Variants in KCNK2 observed in about 807,000 individuals in gnomAD.
KCNK2 encodes the protein potassium two pore domain channel subfamily K member 2, also known as potassium channel subfamily K member 2.
KCNK2 carries 21 observed loss-of-function variants against 40.5 expected under a neutral mutation model. The observed-to-expected ratio is 0.52, with a 90% CI of 0.37 to 0.75. The LOEUF is 0.75. Among genes scored for constraint, KCNK2 ranks in the 30% least tolerant of loss-of-function variants. The pLI is 0.00. For synonymous variants in KCNK2, 191 were observed against 202.2 expected (o/e 0.94, Z 0.47); for missense variants, 399 against 531.6 (o/e 0.75, Z 2.45).
Position 215,083,201 on chromosome 1 carries a change from C to CCCCCCCCCCT in KCNK2, c.-183_-182insCCCCCCCTCC, listed in dbSNP as rs1659252674. On this transcript the variant is annotated 5_prime_UTR_variant, in exon 1 of 7. Coordinates refer to ENST00000444842, the MANE Select transcript of KCNK2 (RefSeq NM_001017425.3). ...TTTCGTTTCTTCTCACGCTCCCCCC[C>CCCCCCCCCCT]CCGCCCCCTCCCGCGTCCAGCCCCG... 3 of 753,776 alleles carry CCCCCCCCCCT rather than the reference C, an allele frequency of 4.0e-6. No homozygotes were observed. Among genetic ancestry groups the CCCCCCCCCCT allele is most frequent in the Non-Finnish European group, 4.2e-6 (2 of 479,624 alleles). 46.7% of individuals were successfully genotyped at this position (753,776 alleles called of 1,614,324 possible).
intron 1 of KCNK2, among the ~76,000 whole-genome samples, chr1:215,033,130 C>G (rs1657262850): frequency 6.6e-6 from 1 of 151,494 alleles, no homozygotes; most frequent in South Asian, 2.1e-4. Context: ...TCAGACATGT[C>G]CACTCTATTA....
At chr1:215,216,557 T>C (rs1267132592) in intron 6 of KCNK2, among the ~76,000 whole-genome samples, 1 of 150,306 alleles carries the variant, frequency 6.7e-6, no homozygotes, top group Non-Finnish European at 1.5e-5. Context: ...TAGAATGTTG[T>C]ATTTCTATTT....
chr1:215,050,814 C>T (rs570148272), intron 1 of KCNK2, among the ~76,000 whole-genome samples: 3 of 152,204 alleles, frequency 2.0e-5, no homozygotes, highest in South Asian at 4.1e-4. Flanking sequence ...TTGCTACTGC[C>T]GATGTCCTCC....
At chr1:215,092,505 G>T (rs1659732495) in intron 2 of KCNK2, among the ~76,000 whole-genome samples, 1 of 152,146 alleles carries the variant, frequency 6.6e-6, no homozygotes, top group Non-Finnish European at 1.5e-5. Flanking sequence ...CCCAAGTAAA[G>T]CCATGCATCA....
At chr1:215,157,792 T>C (rs1662998052) in intron 3 of KCNK2, among the ~76,000 whole-genome samples, 1 of 152,192 alleles carries the variant, frequency 6.6e-6, no homozygotes, top group African/African-American at 2.4e-5. Context: ...CATCTTTCAT[T>C]TGATGCCTAT....
intron 2 of KCNK2, among the ~76,000 whole-genome samples, chr1:215,117,838 G>A (rs12747385): frequency 1.3e-5 from 2 of 152,014 alleles, no homozygotes; most frequent in Non-Finnish European, 2.9e-5. Context: ...AGGACAAAGA[G>A]GTAAAGAAGA....
At chr1:215,093,319 A>C (rs1291595079) in intron 2 of KCNK2, among the ~76,000 whole-genome samples, 4 of 144,208 alleles carry the variant, frequency 2.8e-5, no homozygotes, top group Non-Finnish European at 6.0e-5. Flanking sequence ...AGAAACATGA[A>C]TATATATACA....
chr1:215,207,242 C>A (rs995424292), intron 6 of KCNK2, among the ~76,000 whole-genome samples: 14 of 152,134 alleles, frequency 9.2e-5, no homozygotes, highest in African/African-American at 3.4e-4. Flanking sequence ...AGCATTACTG[C>A]CTGAGCTCTG....
At chr1:215,132,014 A>C (rs1401552227) in intron 3 of KCNK2, among the ~76,000 whole-genome samples, 5 of 152,206 alleles carry the variant, frequency 3.3e-5, no homozygotes, top group African/African-American at 1.2e-4. Flanking sequence ...CGAAAACAAA[A>C]CAAAACAAAA....
intron 2 of KCNK2, among the ~76,000 whole-genome samples, chr1:215,109,911 A>T (rs1459721098): frequency 6.6e-6 from 1 of 152,076 alleles, no homozygotes; most frequent in African/African-American, 2.4e-5. Flanking sequence ...AATAATAGCC[A>T]TTCTAACTCT....
At chr1:215,069,662 G>C (rs939521435) in intron 1 of KCNK2, among the ~76,000 whole-genome samples, 1 of 152,098 alleles carries the variant, frequency 6.6e-6, no homozygotes, top group Non-Finnish European at 1.5e-5. Flanking sequence ...TAACAAGTTG[G>C]GGTTTATATA....
intron 1 of KCNK2, among the ~76,000 whole-genome samples, chr1:215,018,454 C>G (rs1656668319): frequency 6.6e-6 from 1 of 152,084 alleles, no homozygotes; most frequent in Admixed American, 6.6e-5. Flanking sequence ...ACAATTTGAG[C>G]AGGATAACAA....
chr1:215,043,429 T>C (rs1308361214), intron 1 of KCNK2, among the ~76,000 whole-genome samples: 1 of 152,150 alleles, frequency 6.6e-6, no homozygotes, highest in Non-Finnish European at 1.5e-5. Context: ...ATAAACAAAA[T>C]GTGGTATATG....
chr1:215,176,530 C>G (rs1663983146), intron 5 of KCNK2, among the ~76,000 whole-genome samples: 1 of 151,990 alleles, frequency 6.6e-6, no homozygotes, highest in South Asian at 2.1e-4. Flanking sequence ...TGTTGTTCCC[C>G]CAATGTGTCC....
intron 1 of KCNK2, among the ~76,000 whole-genome samples, chr1:215,037,485 ATCT>A (rs1200718464): frequency 1.3e-5 from 2 of 151,918 alleles, no homozygotes; most frequent in African/African-American, 2.4e-5. Flanking sequence ...TTGATTTCAC[ATCT>A]TCTTTTTTAT....
intron 5 of KCNK2, among the ~76,000 whole-genome samples, chr1:215,173,803 T>A (rs946638821): frequency 6.6e-6 from 1 of 152,182 alleles, no homozygotes; most frequent in African/African-American, 2.4e-5. Context: ...CTTTGCCCAC[T>A]TGTTGATGGG....
intron 3 of KCNK2, among the ~76,000 whole-genome samples, chr1:215,143,107 A>C (rs1481963458): frequency 6.6e-6 from 1 of 152,186 alleles, no homozygotes; most frequent in Non-Finnish European, 1.5e-5. Context: ...AGTGGCTTTC[A>C]TATTTCTTCT....
chr1:215,216,125 T>A (rs555122772), intron 6 of KCNK2, among the ~76,000 whole-genome samples: 1 of 152,166 alleles, frequency 6.6e-6, no homozygotes, highest in Admixed American at 6.5e-5. Context: ...TACTCTGCAT[T>A]ATTAGACCCT....
At chr1:215,234,313 T>C (rs1462898340) in intron 6 of KCNK2, among the ~76,000 whole-genome samples, 1 of 152,204 alleles carries the variant, frequency 6.6e-6, no homozygotes, top group Non-Finnish European at 1.5e-5. Context: ...CCTTTTCTGA[T>C]CTCTGAAAAC....
Sources: gnomAD v4.1 joint callset for allele counts (sites outside exome capture counted in the v4.1 genomes callset) on GRCh38, gnomAD v4.1.1 for gene constraint, MANE v1.5 for transcripts, NCBI Gene and HGNC (gene_info 2026-07-23, HGNC 2026-07-21) for gene names.